The following RBFOX1 variants were observed in gnomAD, a reference collection of about 807,000 sequenced individuals.
RBFOX1 encodes RNA binding fox-1 homolog 1.
In RBFOX1, 8 loss-of-function variants were observed where a neutral mutation model predicts 57.7. The observed-to-expected ratio is 0.14, with a 90% CI of 0.08 to 0.25. RBFOX1 has a LOEUF of 0.25. Ranked by LOEUF, RBFOX1 falls within the 10% of genes least tolerant of loss-of-function variation. RBFOX1 has a pLI of 1.00. For missense variants in RBFOX1, 611 were observed against 548.5 expected (o/e 1.11, Z -1.14); for synonymous variants, 326 against 222.4 (o/e 1.47, Z -4.15).
intron 1 of RBFOX1, among the ~76,000 whole-genome samples, chr16:6,179,643 C>T (rs1275589547): frequency 6.6e-6 from 1 of 152,192 alleles, no homozygotes; most frequent in Non-Finnish European, 1.5e-5. Flanking sequence ...CACCCAACAG[C>T]ACCTGCTGCT....
intron 1 of RBFOX1, among the ~76,000 whole-genome samples, chr16:5,455,635 C>T (rs1043878509): frequency 1.8e-4 from 28 of 152,152 alleles, no homozygotes; most frequent in Admixed American, 1.3e-3. Flanking sequence ...CCTTCTCTCA[C>T]GCAGACCCAT....
chr16:5,758,894 G>C (rs1254961967), intron 3 of RBFOX1, among the ~76,000 whole-genome samples: 1 of 152,152 alleles, frequency 6.6e-6, no homozygotes, highest in Non-Finnish European at 1.5e-5. Context: ...CATGCAACAT[G>C]AACTTGACTC....
intron 2 of RBFOX1, among the ~76,000 whole-genome samples, chr16:6,434,749 A>G (rs994962001): frequency 3.3e-5 from 5 of 152,168 alleles, no homozygotes; most frequent in African/African-American, 1.2e-4. Context: ...CTAACAGCCT[A>G]TAATCTGTTT....
intron 1 of RBFOX1, among the ~76,000 whole-genome samples, chr16:6,116,714 T>C (rs1052068965): frequency 6.6e-6 from 1 of 152,214 alleles, no homozygotes; most frequent in African/African-American, 2.4e-5. Flanking sequence ...TGAGTTGGGC[T>C]TCTTGTTATT....
At chr16:7,626,291 A>C (rs1429527101) in intron 10 of RBFOX1, among the ~76,000 whole-genome samples, 2 of 152,180 alleles carry the variant, frequency 1.3e-5, no homozygotes, top group Non-Finnish European at 2.9e-5. Context: ...CTGCCCCTTC[A>C]GGGGCCAGGA....
chr16:7,487,697 A>T (rs148772378), intron 4 of RBFOX1, among the ~76,000 whole-genome samples: 1 of 152,146 alleles, frequency 6.6e-6, no homozygotes. Flanking sequence ...ACACACATGC[A>T]TTCAAACCTC....
intron 1 of RBFOX1, among the ~76,000 whole-genome samples, chr16:5,301,634 A>C (rs113002671): frequency 7.3e-5 from 11 of 150,372 alleles, no homozygotes; most frequent in African/African-American, 2.5e-4. Context: ...AAAAAAAAAA[A>C]AAAACACACA....
At chr16:6,272,118 G>A (rs912059266) in intron 1 of RBFOX1, among the ~76,000 whole-genome samples, 12 of 151,954 alleles carry the variant, frequency 7.9e-5, no homozygotes, top group South Asian at 2.1e-4. Context: ...GGTTTATTTC[G>A]GGGATGTTAA....
chr16:5,289,497 A>G (rs183477244), intron 1 of RBFOX1: 22 of 199,218 alleles, frequency 1.1e-4, no homozygotes, highest in Admixed American at 4.6e-4. Flanking sequence ...ATGTTAAAAT[A>G]TTTTATACAT....
At chr16:7,621,028 C>G (rs2059237803) in intron 10 of RBFOX1, among the ~76,000 whole-genome samples, 1 of 152,040 alleles carries the variant, frequency 6.6e-6, no homozygotes, top group Admixed American at 6.6e-5. Context: ...ATGAGAAATG[C>G]AGAGTCTCAG....
chr16:7,551,106 G>T (rs58388463), intron 5 of RBFOX1, among the ~76,000 whole-genome samples: 2 of 135,436 alleles, frequency 1.5e-5, no homozygotes, highest in African/African-American at 2.7e-5. Context: ...AAAAAAAAAA[G>T]AAAAAAAAAG....
At chr16:5,778,961 C>G (rs923723817) in intron 3 of RBFOX1, among the ~76,000 whole-genome samples, 1 of 152,162 alleles carries the variant, frequency 6.6e-6, no homozygotes, top group Non-Finnish European at 1.5e-5. Context: ...CATTAAGCCC[C>G]TCATCCATTG....
At chr16:6,324,935 A>T (rs1387240130) in intron 2 of RBFOX1, among the ~76,000 whole-genome samples, 1 of 152,216 alleles carries the variant, frequency 6.6e-6, no homozygotes, top group African/African-American at 2.4e-5. Flanking sequence ...TCTTGACAGG[A>T]GAGTGTACTA....
rs954122172 is a variant in RBFOX1 at position 6,239,985 on chromosome 16, G to A, written c.-126-77010G>A. On this transcript the variant is annotated intron_variant, in intron 1 of 15. Coordinates refer to ENST00000550418, the MANE Select transcript of RBFOX1 (RefSeq NM_018723.4). ...GGGAGTGGATCTCTCAAGGTGGGAG[G>A]TGTTTCGGTCATCGGAGTGGATCTC... 5.3e-5 allele frequency among the ~76,000 whole-genome samples: 8 copies of A among 152,238 alleles called. No homozygotes were observed. The East Asian group carries it at 1.5e-3, about 29-fold the overall frequency.
chr16:5,459,181 G>C (rs1215447048), intron 1 of RBFOX1, among the ~76,000 whole-genome samples: 1 of 152,196 alleles, frequency 6.6e-6, no homozygotes, highest in Non-Finnish European at 1.5e-5. Flanking sequence ...AATGACATAT[G>C]ATCTCCACAT....
At chr16:6,761,584 T>C (rs1264836302) in intron 3 of RBFOX1, among the ~76,000 whole-genome samples, 4 of 143,294 alleles carry the variant, frequency 2.8e-5, no homozygotes, top group African/African-American at 1.0e-4. Context: ...CTCGGTTCAC[T>C]GTAACCTCTG....
intron 4 of RBFOX1, among the ~76,000 whole-genome samples, chr16:7,396,267 TCTTGC>T (rs569211189): frequency 1.0e-3 from 152 of 152,296 alleles, no homozygotes; most frequent in African/African-American, 3.1e-3. Context: ...GGCTGCTCCT[TCTTGC>T]CTTTGGACAG....
chr16:7,587,398 G>T, intron 7 of RBFOX1, 98 bp downstream of exon 7: 1 of 1,223,306 alleles, frequency 8.2e-7, no homozygotes, highest in Non-Finnish European at 1.1e-6. Context: ...AGCTCATTGT[G>T]AAAATACACT....
chr16:7,553,800 T>C (rs2087382395), intron 5 of RBFOX1, among the ~76,000 whole-genome samples: 1 of 152,242 alleles, frequency 6.6e-6, no homozygotes, highest in African/African-American at 2.4e-5. Context: ...AAGGAGGCTG[T>C]TGCTGGAGCT....
Sources: allele counts gnomAD v4.1 joint callset (sites outside exome capture counted in the v4.1 genomes callset), GRCh38; gene constraint gnomAD v4.1.1; transcripts MANE v1.5; gene names NCBI Gene and HGNC (gene_info 2026-07-23, HGNC 2026-07-21).